PDE9A: variants seen among roughly 807,000 people sequenced by gnomAD.
PDE9A encodes the protein high affinity cGMP-specific 3',5'-cyclic phosphodiesterase 9A.
Under a neutral mutation model 87.4 loss-of-function variants are expected in PDE9A, and 60 were observed. The ratio of observed to expected loss-of-function variants is 0.69; its 90% confidence interval spans 0.56 to 0.85. The LOEUF (loss-of-function observed/expected upper bound fraction) is 0.85. Ranked by LOEUF, PDE9A falls within the 40% of genes least tolerant of loss-of-function variation. The probability of loss-of-function intolerance (pLI) is 0.00; values close to 1 mark genes in which losing one functional copy is unlikely to be tolerated. For synonymous variants in PDE9A, 272 were observed against 279.4 expected, an observed-to-expected ratio of 0.97 and a Z score of 0.27; for missense variants, 665 against 779.0, an observed-to-expected ratio of 0.85 and a Z score of 1.74.
At chr21:42,748,473 C>A (rs1425787967) in intron 8 of PDE9A, among the ~76,000 whole-genome samples, 1 of 152,172 alleles carries the variant, frequency 6.6e-6, no homozygotes, top group Non-Finnish European at 1.5e-5. Context: ...GGGGAAGAGA[C>A]GGCAGCATGC....
At chr21:42,726,593 C>CATATATATATATATAT in intron 4 of PDE9A, among the ~76,000 whole-genome samples, 3 of 38,234 alleles carry the variant, frequency 7.8e-5, no homozygotes, top group Admixed American at 7.1e-4. Flanking sequence ...CACGCCTGGC[C>CATATATATATATATAT]ATATATATAT....
chr21:42,769,613 CAG>C (rs1480200271), intron 17 of PDE9A, among the ~76,000 whole-genome samples: 187 of 147,158 alleles, frequency 1.3e-3, no homozygotes, highest in Middle Eastern at 3.7e-3. Context: ...AATGCACATG[CAG>C]GTACACATGC....
At chr21:42,710,360 G>A (rs1569183707) in intron 4 of PDE9A, among the ~76,000 whole-genome samples, 1 of 150,518 alleles carries the variant, frequency 6.6e-6, no homozygotes, top group Admixed American at 6.6e-5. Context: ...AGTGAGCAGA[G>A]GTTGCGCCAC....
chr21:42,697,064 A>T (rs2060181752), intron 3 of PDE9A, among the ~76,000 whole-genome samples: 1 of 152,034 alleles, frequency 6.6e-6, no homozygotes, highest in Admixed American at 6.6e-5. Flanking sequence ...GGGAGATGAG[A>T]GGGTGTGGGC....
At position 42,704,678 on chromosome 21, in the gene PDE9A, G is replaced by C. The variant is rs954420240; in HGVS notation, c.262+5667G>C. Among the ~76,000 whole-genome samples, 1 of 150,830 alleles carries C rather than the reference G, an allele frequency of 6.6e-6. No individual in the cohort carries two copies. The highest frequency in any genetic ancestry group is 2.4e-5 in the African/African-American group (1 of 41,168). ...TGTAAGCAACCCCAGGTGCCCTTGT[G>C]AATCAACAGACCACATTTCCAGTGG... On this transcript the variant is annotated intron_variant, in intron 4 of 19. Coordinates refer to ENST00000291539, the MANE Select transcript of PDE9A (RefSeq NM_002606.3). This position sits in a 1 kb window ranked among gnomAD's most constrained non-coding sequence, Gnocchi z 5.3.
At chr21:42,711,264 T>G (rs1294406373) in intron 4 of PDE9A, among the ~76,000 whole-genome samples, 2 of 151,922 alleles carry the variant, frequency 1.3e-5, no homozygotes, top group South Asian at 2.1e-4. Flanking sequence ...TTTTGTTTTT[T>G]TTTTTTTTTG....
chr21:42,673,413 C>A (rs1379390232), intron 1 of PDE9A, among the ~76,000 whole-genome samples: 1 of 152,212 alleles, frequency 6.6e-6, no homozygotes, highest in Non-Finnish European at 1.5e-5. Flanking sequence ...GGTCAGTCCG[C>A]TGATTGACTG....
At chr21:42,755,676 G>A (rs992450616) in intron 10 of PDE9A, among the ~76,000 whole-genome samples, 1 of 152,214 alleles carries the variant, frequency 6.6e-6, no homozygotes, top group African/African-American at 2.4e-5. Flanking sequence ...AGCTCCCAGG[G>A]TCCCTGCACA....
chr21:42,663,520 T>A (rs73905727), intron 1 of PDE9A, among the ~76,000 whole-genome samples: 5,482 of 152,260 alleles, frequency 0.036, 343 homozygotes, highest in African/African-American at 0.12. Flanking sequence ...GCCCCTTATC[T>A]CATTGCCCGA....
chr21:42,754,194 A>AG lies in PDE9A; in HGVS notation c.810+130_810+131insG, dbSNP rs2054765527. ...TCTTCTTTTTAAAGACTGAAAAAAAAAAACAAAACTTGTTTTGCCAGGTTT... is the reference window on the plus strand; with the variant it reads ...TCTTCTTTTTAAAGACTGAAAAAAAAGAAACAAAACTTGTTTTGCCAGGTTT... On this transcript the variant is annotated intron_variant, in intron 10 of 19. Coordinates refer to ENST00000291539, the MANE Select transcript of PDE9A (RefSeq NM_002606.3). 2.0e-5 allele frequency: 12 copies of AG among 610,126 alleles called. No individual in the cohort carries two copies. In the South Asian group the frequency reaches 2.4e-4, roughly 12 times the overall value. The allele number at this position is 610,126 out of a possible 1,614,324, so 37.8% of individuals were successfully genotyped here.
intron 4 of PDE9A, among the ~76,000 whole-genome samples, chr21:42,717,969 G>A (rs1314577038): frequency 6.6e-6 from 1 of 151,508 alleles, no homozygotes; most frequent in Non-Finnish European, 1.5e-5. Flanking sequence ...GCCCAGGCTA[G>A]AGTGCAGTGG....
intron 3 of PDE9A, chr21:42,689,966 G>A: frequency 1.0e-6 from 1 of 985,178 alleles, no homozygotes; most frequent in Non-Finnish European, 1.2e-6. Flanking sequence ...GACACACGCG[G>A]ATGAGGATAC....
In PDE9A at chr21:42,760,051, C is replaced by T. The variant is rs961442750; in HGVS notation, c.898-277C>T. On this transcript the variant is annotated intron_variant, in intron 11 of 19. Coordinates refer to ENST00000291539, the MANE Select transcript of PDE9A (RefSeq NM_002606.3). This position sits in a 1 kb window ranked among gnomAD's most constrained non-coding sequence, Gnocchi z 5.2. ...CCCACTGTGGCTCCTCAGACACCTC[C>T]GGGGAGACCCCAGTCCTTGACTGCA... Among the ~76,000 whole-genome samples the T allele has an allele frequency of 3.3e-5, 5 of 152,120 alleles. No individual in the cohort carries two copies. Among genetic ancestry groups the T allele is most frequent in the East Asian group, 1.9e-4 (1 of 5,164 alleles).
intron 1 of PDE9A, among the ~76,000 whole-genome samples, chr21:42,670,353 CACAT>C (rs1292423439): frequency 7.2e-6 from 1 of 138,934 alleles, no homozygotes; most frequent in East Asian, 2.0e-4. Context: ...CATTTACACA[CACAT>C]CCACACACAC....
chr21:42,753,264 C>T (rs547248962), intron 9 of PDE9A, among the ~76,000 whole-genome samples: 76 of 152,296 alleles, frequency 5.0e-4, no homozygotes, highest in African/African-American at 1.5e-3. Flanking sequence ...CCTCGGCTTC[C>T]CAAAGCACTG....
intron 4 of PDE9A, among the ~76,000 whole-genome samples, chr21:42,730,726 T>C (rs1432855192): frequency 6.6e-6 from 1 of 152,260 alleles, no homozygotes; most frequent in African/African-American, 2.4e-5. Context: ...ATATGTCTGA[T>C]GATACAGTTT....
chr21:42,664,755 C>T (rs2057845826), intron 1 of PDE9A, among the ~76,000 whole-genome samples: 1 of 152,228 alleles, frequency 6.6e-6, no homozygotes, highest in Non-Finnish European at 1.5e-5. Context: ...TCACTCACCA[C>T]TCTTATCTGA....
At chr21:42,745,488 T>C (rs1462426144) in intron 8 of PDE9A, among the ~76,000 whole-genome samples, 1 of 152,198 alleles carries the variant, frequency 6.6e-6, no homozygotes, top group Admixed American at 6.5e-5. Flanking sequence ...AGTCTCTCAT[T>C]TGTGAGCCAA....
At chr21:42,655,449 T>C (rs1310176306) in intron 1 of PDE9A, among the ~76,000 whole-genome samples, 5 of 152,038 alleles carry the variant, frequency 3.3e-5, no homozygotes, top group Non-Finnish European at 7.4e-5. Context: ...AGGCTGTTAT[T>C]GTGGGCAGGG....
Sources: gnomAD v4.1 joint callset for allele counts (sites outside exome capture counted in the v4.1 genomes callset) on GRCh38, gnomAD v4.1.1 for gene constraint, Gnocchi (gnomAD v3.1) non-coding constraint, MANE v1.5 for transcripts, NCBI Gene and HGNC (gene_info 2026-07-23, HGNC 2026-07-21) for gene names.